Variants in GEMIN5 observed in about 807,000 individuals in gnomAD.
The protein encoded by GEMIN5 is gem-associated protein 5.
Under a neutral mutation model 176.9 loss-of-function variants are expected in GEMIN5, and 124 were observed. The observed-to-expected ratio is 0.70, with a 90% CI of 0.61 to 0.81. The LOEUF (loss-of-function observed/expected upper bound fraction) is 0.81. Ranked by LOEUF, GEMIN5 falls within the 40% of genes least tolerant of loss-of-function variation. GEMIN5 has a pLI of 0.00. For missense variants in GEMIN5, 1,843 were observed against 1,814.6 expected (o/e 1.02, Z -0.28); for synonymous variants, 673 against 665.2 (o/e 1.01, Z -0.18).
chr5:154,888,642 A>G (rs1471390418), intron 27 of GEMIN5, among the ~76,000 whole-genome samples: 1 of 152,160 alleles, frequency 6.6e-6, no homozygotes, highest in Non-Finnish European at 1.5e-5. Context: ...ACCCTTAAAA[A>G]TGGTGCTTCT....
intron 10 of GEMIN5, 118 bp downstream of exon 10, chr5:154,921,225 G>A (rs1171030482): frequency 3.1e-6 from 2 of 644,838 alleles, no homozygotes; most frequent in Non-Finnish European, 5.5e-6. Flanking sequence ...GACATAAGTA[G>A]CCCACATAAG....
At chr5:154,894,751 C>T (rs1394678369) in intron 24 of GEMIN5, among the ~76,000 whole-genome samples, 1 of 151,938 alleles carries the variant, frequency 6.6e-6, no homozygotes, top group Non-Finnish European at 1.5e-5. Context: ...ACTAAAAATA[C>T]AAAAAATTAG....
intron 16 of GEMIN5, among the ~76,000 whole-genome samples, chr5:154,906,289 C>T (rs1009992277): frequency 1.3e-5 from 2 of 152,206 alleles, no homozygotes; most frequent in Non-Finnish European, 2.9e-5. Flanking sequence ...AACCACCATG[C>T]CCGCCTTACT....
chr5:154,898,934 A>G (rs75815361), intron 22 of GEMIN5, among the ~76,000 whole-genome samples: 1,612 of 152,308 alleles, frequency 0.011, 10 homozygotes, highest in Middle Eastern at 0.034. Flanking sequence ...ATTTGATGTT[A>G]TAAGAGACCA....
intron 26 of GEMIN5, 78 bp from the exon 27 acceptor site, chr5:154,889,495 G>C (rs1365967057): frequency 1.3e-6 from 1 of 756,278 alleles, no homozygotes; most frequent in Non-Finnish European, 2.3e-6. Context: ...TTTTACTGTG[G>C]TAAAATGTAT....
chr5:154,935,210 C>A (rs1230072377), intron 3 of GEMIN5, among the ~76,000 whole-genome samples: 4 of 152,214 alleles, frequency 2.6e-5, no homozygotes, highest in Non-Finnish European at 4.4e-5. Flanking sequence ...ATTTTTACAA[C>A]AAACTTTGTG....
chr5:154,937,240 AG>A, intron 1 of GEMIN5, 55 bp from the exon 2 acceptor site: 1 of 1,427,210 alleles, frequency 7.0e-7, no homozygotes, highest in Non-Finnish European at 9.6e-7. Context: ...GGTTCCTGGC[AG>A]AATCATACTG....
chr5:154,931,779 C>A (rs1002386057), intron 4 of GEMIN5: 6 of 517,632 alleles, frequency 1.2e-5, no homozygotes, highest in African/African-American at 1.9e-5. Flanking sequence ...TTTTGGGAGG[C>A]TGAGGCAGGT....
chr5:154,888,164 T>C lies in GEMIN5; in HGVS notation c.*46A>G. 1.3e-6 allele frequency: 2 copies of C among 1,571,520 alleles called. No homozygotes were observed. The highest frequency in any genetic ancestry group is 1.1e-5 in the South Asian group (1 of 90,078). On this transcript the variant is annotated 3_prime_UTR_variant, in exon 28 of 28. Transcript: ENST00000285873. Reference sequence around the variant, plus strand: ...GAGGCATAACTGCAGAGGTGAAAGATGTCAAACATTTTCAATTTGGCAGTT... The same window carrying C: ...GAGGCATAACTGCAGAGGTGAAAGACGTCAAACATTTTCAATTTGGCAGTT...
intron 13 of GEMIN5, among the ~76,000 whole-genome samples, chr5:154,915,065 G>A (rs1763784236): frequency 6.6e-6 from 1 of 152,054 alleles, no homozygotes; most frequent in African/African-American, 2.4e-5. Context: ...GATATAAAGT[G>A]GATGATTAAT....
chr5:154,888,888 C>T (rs567297429), intron 27 of GEMIN5, among the ~76,000 whole-genome samples: 10 of 149,076 alleles, frequency 6.7e-5, no homozygotes, highest in African/African-American at 2.2e-4. Context: ...GACAGAGTCT[C>T]GCTCTGTTGC....
chr5:154,898,480 A>G lies in GEMIN5; in HGVS notation c.3305T>C (p.Val1102Ala), dbSNP rs1236824956. Reference sequence around the variant, plus strand: ...CAGCTGCAGGGCTTCCTGGGCTCCCACCCAGTTGTTGGCCAGAAGCAGCTC... The same window carrying G: ...CAGCTGCAGGGCTTCCTGGGCTCCCGCCCAGTTGTTGGCCAGAAGCAGCTC... The part of the protein sequence containing the change: ...AQELLLANNW[V>A]GAQEALQLHE... Residue 1102 changes from valine (V) to alanine (A), a missense_variant, in exon 23 of 28, where the codon GTG becomes GCG. Val to Ala is a moderately conservative substitution (Grantham distance 64, BLOSUM62 0). Coordinates refer to ENST00000285873, the MANE Select transcript of GEMIN5 (RefSeq NM_015465.5). 2.5e-6 allele frequency: 4 copies of G among 1,614,026 alleles called. No individual in the cohort carries two copies. The highest frequency in any genetic ancestry group is 1.3e-5 in the African/African-American group (1 of 74,920).
chr5:154,936,016 T>A lies in GEMIN5; in HGVS notation c.334A>T (p.Ile112Leu). The change falls in exon 3 of 28, where the codon ATA (isoleucine) becomes TTA (leucine). Residue 112 changes from isoleucine (I) to leucine (L), a missense_variant. By Grantham distance (5) the Ile-to-Leu change is conservative. Coordinates refer to ENST00000285873, the MANE Select transcript of GEMIN5 (RefSeq NM_015465.5). ...CGAGGAGACCAATGTAATGTTGATA[T>A]CGTATGCTTTAAAACAAAACAAAAA... ...VTEHALHQHT[I>L]STLHWSPRVK... The A allele has an allele frequency of 6.3e-7, 1 of 1,584,026 alleles. No individual in the cohort carries two copies. Among genetic ancestry groups the A allele is most frequent in the Non-Finnish European group, 8.6e-7 (1 of 1,169,016 alleles).
chr5:154,902,684 A>C lies in GEMIN5; in HGVS notation c.2729-8T>G. On this transcript the variant is annotated splice_region_variant and splice_polypyrimidine_tract_variant and intron_variant, in intron 19 of 27. Transcript: ENST00000285873. ...TTTCTAAGTGACCTTTTCCTGTTTG[A>C]AAGAGAGATAATGTTTGGAAGGTGT... 3.1e-6 allele frequency: 5 copies of C among 1,613,258 alleles called. No individual in the cohort carries two copies. Among genetic ancestry groups the C allele is most frequent in the Non-Finnish European group, 4.2e-6 (5 of 1,179,388 alleles).
intron 13 of GEMIN5, 121 bp from the exon 14 acceptor site, chr5:154,913,159 AT>A (rs1378507401): frequency 9.0e-3 from 6,642 of 740,256 alleles, no homozygotes; most frequent in South Asian, 0.015. Flanking sequence ...TTTCTAGGTT[AT>A]TTTTTTTTTG....
Position 154,924,621 on chromosome 5 carries a change from A to T in GEMIN5, c.1294-67T>A. Reference sequence around the variant, plus strand: ...GGCATATAGTTAAAGGAATCCTTACATTACCCTTTAAGCATCCAAAGGGAA... The same window carrying T: ...GGCATATAGTTAAAGGAATCCTTACTTTACCCTTTAAGCATCCAAAGGGAA... On this transcript the variant is annotated intron_variant, in intron 8 of 27. Transcript: ENST00000285873. The T allele has an allele frequency of 6.5e-6, 6 of 918,204 alleles. No individual in the cohort carries two copies. In the South Asian group the frequency reaches 8.4e-5, roughly 13 times the overall value. The allele number at this position is 918,204 out of a possible 1,614,324, so 56.9% of individuals were successfully genotyped here.
At chr5:154,937,854 C>A in intron 1 of GEMIN5, 114 bp downstream of exon 1, 1 of 950,040 alleles carries the variant, frequency 1.1e-6, no homozygotes, top group Non-Finnish European at 1.5e-6. Context: ...GCCTCTCCTC[C>A]CAGCCTGGGC....
At chr5:154,927,299 T>C (rs1428499101) in intron 7 of GEMIN5, 86 bp downstream of exon 7, 10 of 783,098 alleles carry the variant, frequency 1.3e-5, no homozygotes, top group Non-Finnish European at 2.2e-5. Flanking sequence ...TATTACGACT[T>C]GACAGGTGCT....
chr5:154,920,875 G>A (rs1408887288), intron 10 of GEMIN5, among the ~76,000 whole-genome samples: 1 of 152,170 alleles, frequency 6.6e-6, no homozygotes, highest in Non-Finnish European at 1.5e-5. Flanking sequence ...AGGCTGAGGG[G>A]CTAGAAGAGG....
Sources: gnomAD v4.1 joint callset for allele counts (sites outside exome capture counted in the v4.1 genomes callset) on GRCh38, gnomAD v4.1.1 for gene constraint, MANE v1.5 for transcripts, NCBI Gene and HGNC (gene_info 2026-07-23, HGNC 2026-07-21) for gene names.